SMU1: variants seen among roughly 807,000 people sequenced by gnomAD.
SMU1 encodes SMU1 DNA replication regulator and spliceosomal factor.
A neutral mutation model predicts 62.0 loss-of-function variants in SMU1; 2 were observed. The observed-to-expected ratio is 0.03, with a 90% CI of 0.01 to 0.10. The LOEUF (loss-of-function observed/expected upper bound fraction) is 0.10, where lower values mean the gene tolerates loss of function less well. SMU1 is among the 10% of genes least tolerant of loss of function. The probability of loss-of-function intolerance (pLI) is 1.00; values close to 1 mark genes in which losing one functional copy is unlikely to be tolerated. For synonymous variants in SMU1, 188 were observed against 212.4 expected (o/e 0.89, Z 1.00); for missense variants, 227 against 622.1 (o/e 0.36, Z 6.76).
intron 1 of SMU1, among the ~76,000 whole-genome samples, chr9:33,074,733 C>T (rs2117890768): frequency 6.6e-6 from 1 of 151,508 alleles, no homozygotes; most frequent in Non-Finnish European, 1.5e-5. Context: ...GGCAGTGTGG[C>T]TCTAGAGCAT....
chr9:33,073,989 TG>T (rs746046269), intron 1 of SMU1, among the ~76,000 whole-genome samples, 183 bp from the exon 2 acceptor site: 20 of 152,218 alleles, frequency 1.3e-4, no homozygotes, highest in Admixed American at 3.9e-4. Flanking sequence ...GAGACAGAAC[TG>T]GGGTTCAAGG....
chr9:33,057,664 G>A lies in SMU1; in HGVS notation c.801C>T (p.Val267=). 1 of 1,613,766 alleles carries A rather than the reference G, an allele frequency of 6.2e-7. No homozygotes were observed. The highest frequency in any genetic ancestry group is 1.1e-5 in the South Asian group (1 of 91,082). ...QDNFMMMDDA[V]LCMCFSRDTE... is the part of the protein sequence containing the mutation. ...TATCTCTGCTGAAACACATGCAGAGGACAGCATCATCCATCATCATAAAGT... is the reference window on the plus strand; with the variant it reads ...TATCTCTGCTGAAACACATGCAGAGAACAGCATCATCCATCATCATAAAGT... The change falls in exon 7 of 12, where the codon GTC becomes GTT. Residue 267 remains valine, a synonymous_variant. Transcript: ENST00000397149.
chr9:33,060,614 C>G lies in SMU1; in HGVS notation c.631-30G>C, dbSNP rs761070459. The stretch of plus-strand genomic sequence containing the variant: ...TTCAAATGAAACAATGAAACAGATG[C>G]ATTTTTATCTAGTGGACTTAAAACA... On this transcript the variant is annotated intron_variant, in intron 5 of 11. Coordinates refer to ENST00000397149, the MANE Select transcript of SMU1 (RefSeq NM_018225.3). The G allele has an allele frequency of 8.1e-6, 13 of 1,604,170 alleles. No homozygotes were observed. The South Asian group carries it at 1.4e-4, about 17-fold the overall frequency.
At chr9:33,075,120 T>C (rs547447634) in intron 1 of SMU1, among the ~76,000 whole-genome samples, 16 of 152,278 alleles carry the variant, frequency 1.1e-4, no homozygotes, top group African/African-American at 3.8e-4. Context: ...CTCACGCCTG[T>C]AATCTCACCA....
chr9:33,075,713 T>A (rs1452503581), intron 1 of SMU1, among the ~76,000 whole-genome samples: 1 of 152,210 alleles, frequency 6.6e-6, no homozygotes. Context: ...ATTTGCTGAA[T>A]GCATAAACCT....
chr9:33,070,387 T>C (rs1839472581), intron 3 of SMU1, among the ~76,000 whole-genome samples: 1 of 152,126 alleles, frequency 6.6e-6, no homozygotes, highest in African/African-American at 2.4e-5. Flanking sequence ...AAATAACAAA[T>C]GCTGGTGAGT....
intron 4 of SMU1, among the ~76,000 whole-genome samples, chr9:33,063,025 T>C (rs1378198205): frequency 6.6e-6 from 1 of 152,200 alleles, no homozygotes; most frequent in African/African-American, 2.4e-5. Context: ...AGCTATGTCA[T>C]TTTGACTCCC....
In SMU1 at chr9:33,076,672, G is replaced by T. The variant is rs939675548; in HGVS notation, c.-64C>A. On this transcript the variant is annotated 5_prime_UTR_variant, in exon 1 of 12. Transcript: ENST00000397149. ...AAGGCCAGTCGCGCAACACACCAACGACACCTCCGGCGGACACCTAACGTC... is the reference window on the plus strand; with the variant it reads ...AAGGCCAGTCGCGCAACACACCAACTACACCTCCGGCGGACACCTAACGTC... 9.9e-6 allele frequency: 16 copies of T among 1,610,498 alleles called. No individual in the cohort carries two copies. Among genetic ancestry groups the T allele is most frequent in the African/African-American group, 2.7e-5 (2 of 74,878 alleles).
In SMU1 at chr9:33,068,362, C is replaced by T. The variant is rs1839446042; in HGVS notation, c.501+462G>A. Among the ~76,000 whole-genome samples the T allele has an allele frequency of 2.0e-5, 3 of 152,112 alleles. 1 individual carries two copies. The South Asian group carries it at 6.2e-4, about 32-fold the overall frequency. On this transcript the variant is annotated intron_variant, in intron 4 of 11. Transcript: ENST00000397149. ...TAACCACTAATCTATATTGCCTCTC[C>T]CAGGAAAGAGGGAGAGTGGAACAGC...
Position 33,060,812 on chromosome 9 carries a change from G to A in SMU1, c.631-228C>T, listed in dbSNP as rs146295549. Among the ~76,000 whole-genome samples, 10 of 152,312 alleles carry A rather than the reference G, an allele frequency of 6.6e-5. No individual in the cohort carries two copies. In the East Asian group the frequency reaches 1.7e-3, roughly 26 times the overall value. On this transcript the variant is annotated intron_variant, in intron 5 of 11. Coordinates refer to ENST00000397149, the MANE Select transcript of SMU1 (RefSeq NM_018225.3). ...CTAAGTTGAAGCTAGTTTTTTGAAT[G>A]TGAGATTGATATTTCCAAAGGAAAG...
chr9:33,062,536 C>T (rs909885019), intron 4 of SMU1, among the ~76,000 whole-genome samples: 1 of 152,188 alleles, frequency 6.6e-6, no homozygotes, highest in African/African-American at 2.4e-5. Context: ...ATCTTCCCCC[C>T]CCACATATGT....
At chr9:33,072,922 A>C (rs1839503952) in intron 2 of SMU1, among the ~76,000 whole-genome samples, 1 of 151,724 alleles carries the variant, frequency 6.6e-6, no homozygotes, top group Non-Finnish European at 1.5e-5. Flanking sequence ...CAGAAAGTCT[A>C]CTCTGCTGTT....
chr9:33,061,762 G>A (rs191636788), intron 5 of SMU1, among the ~76,000 whole-genome samples: 7 of 152,290 alleles, frequency 4.6e-5, no homozygotes, highest in African/African-American at 1.7e-4. Flanking sequence ...AACCAAAAAA[G>A]AACTAACCAT....
chr9:33,076,627 G>T lies in SMU1; in HGVS notation c.-19C>A, dbSNP rs1839549833. 1.2e-6 allele frequency: 2 copies of T among 1,613,834 alleles called. No individual in the cohort carries two copies. Among genetic ancestry groups the T allele is most frequent in the East Asian group, 4.5e-5 (2 of 44,880 alleles). ...TCGACATAGCCGTATCTCTCCGGGA[G>T]CAGGCCCCAGCTCTCCCTCAAGGCC... On this transcript the variant is annotated 5_prime_UTR_variant, in exon 1 of 12. Transcript: ENST00000397149.
chr9:33,076,603 C>T lies in SMU1; in HGVS notation c.6G>A (p.Ser2=). ...CTCACTCCGAAGATTCGATTTCGATCGACATAGCCGTATCTCTCCGGGAGC... is the reference window on the plus strand; with the variant it reads ...CTCACTCCGAAGATTCGATTTCGATTGACATAGCCGTATCTCTCCGGGAGC... M[S]IEIESSDVIR... Residue 2 remains serine (S), a synonymous_variant, in exon 1 of 12, where the codon TCG becomes TCA. Coordinates refer to ENST00000397149, the MANE Select transcript of SMU1 (RefSeq NM_018225.3). 6.2e-7 allele frequency: 1 copy of T among 1,613,938 alleles called. No individual in the cohort carries two copies. The highest frequency in any genetic ancestry group is 8.5e-7 in the Non-Finnish European group (1 of 1,180,032).
intron 4 of SMU1, among the ~76,000 whole-genome samples, chr9:33,064,885 G>A (rs1270559441): frequency 6.6e-6 from 1 of 152,148 alleles, no homozygotes; most frequent in African/African-American, 2.4e-5. Context: ...TGGGATTACA[G>A]GCGCACGCCA....
chr9:33,076,395 G>A (rs1218562758), intron 1 of SMU1, among the ~76,000 whole-genome samples, 188 bp downstream of exon 1: 2 of 152,152 alleles, frequency 1.3e-5, no homozygotes, highest in African/African-American at 4.8e-5. Context: ...TGGGCTTCAC[G>A]TCTGAGAGCT....
At position 33,044,432 on chromosome 9, in the gene SMU1, T is replaced by A. The variant is rs181064933; in HGVS notation, c.*2861A>T. 6.6e-6 allele frequency: 1 copy of A among 152,256 alleles called. No individual in the cohort carries two copies. The highest frequency in any genetic ancestry group is 2.4e-5 in the African/African-American group (1 of 41,432). The allele number at this position is 152,256 out of a possible 1,614,324, so 9.4% of individuals were successfully genotyped here. On this transcript the variant is annotated 3_prime_UTR_variant, in exon 12 of 12. Transcript: ENST00000397149. Reference sequence around the variant, plus strand: ...CTGGACCCAAGATGGGACTCCTACCTCCGACCACCCGGAGCAGCGGCGCCC... The same window carrying A: ...CTGGACCCAAGATGGGACTCCTACCACCGACCACCCGGAGCAGCGGCGCCC...
Position 33,047,115 on chromosome 9 carries a change from T to C in SMU1, c.*178A>G, listed in dbSNP as rs1839194196. 1 of 516,148 alleles carries C rather than the reference T, an allele frequency of 1.9e-6. No individual in the cohort carries two copies. The allele number at this position is 516,148 out of a possible 1,614,324, so 32.0% of individuals were successfully genotyped here. Reference sequence around the variant, plus strand: ...AGAAGATAAACTAATACCTTAAAAATATATAAAAAAAGAAAGGGTAGTTGC... The same window carrying C: ...AGAAGATAAACTAATACCTTAAAAACATATAAAAAAAGAAAGGGTAGTTGC... On this transcript the variant is annotated 3_prime_UTR_variant, in exon 12 of 12. Coordinates refer to ENST00000397149, the MANE Select transcript of SMU1 (RefSeq NM_018225.3).
Sources: allele counts gnomAD v4.1 joint callset (sites outside exome capture counted in the v4.1 genomes callset), GRCh38; gene constraint gnomAD v4.1.1; transcripts MANE v1.5; gene names NCBI Gene and HGNC (gene_info 2026-07-23, HGNC 2026-07-21).